Variants in CTDP1 observed in about 807,000 individuals in gnomAD.
The protein encoded by CTDP1 is CTD phosphatase 1.
CTDP1 carries 47 observed loss-of-function variants against 91.8 expected under a neutral mutation model. That is an observed-to-expected ratio of 0.51 (90% CI 0.41 to 0.65). The LOEUF (loss-of-function observed/expected upper bound fraction) is 0.65. Among genes scored for constraint, CTDP1 ranks in the 30% least tolerant of loss-of-function variants. The probability of loss-of-function intolerance (pLI) is 0.00; values close to 1 mark genes in which losing one functional copy is unlikely to be tolerated. For missense variants in CTDP1, 1,272 were observed against 1,373.7 expected, an observed-to-expected ratio of 0.93 and a Z score of 1.17; for synonymous variants, 656 against 598.5, an observed-to-expected ratio of 1.10 and a Z score of -1.40.
At chr18:79,704,525 C>T (rs541107214) in intron 4 of CTDP1, among the ~76,000 whole-genome samples, 5 of 151,842 alleles carry the variant, frequency 3.3e-5, no homozygotes, top group East Asian at 1.9e-4. Flanking sequence ...TGTGGAGGGG[C>T]GTGTACATGC....
intron 6 of CTDP1, among the ~76,000 whole-genome samples, chr18:79,712,083 T>C (rs1248510114): frequency 4.6e-5 from 6 of 129,090 alleles, no homozygotes; most frequent in Non-Finnish European, 8.5e-5. Flanking sequence ...TTTTGCTAGT[T>C]AGCGCCAGAG....
chr18:79,729,445 G>A lies in CTDP1; in HGVS notation c.2580+376G>A, dbSNP rs71367531. 1.9e-3 allele frequency among the ~76,000 whole-genome samples: 290 copies of A among 152,298 alleles called. 1 individual carries two copies. Among genetic ancestry groups the A allele is most frequent in the Admixed American group, 0.011 (175 of 15,298 alleles). ...CATGACAAGGGGTGACCCTGGGGCC[G>A]GTCAACACCCCCTGCCTGACGCCGA... On this transcript the variant is annotated intron_variant, in intron 11 of 12. Transcript: ENST00000613122.
chr18:79,691,505 T>TGGACTCGGGGTG (rs2085620962), intron 1 of CTDP1, among the ~76,000 whole-genome samples: 4 of 121,340 alleles, frequency 3.3e-5, no homozygotes, highest in Admixed American at 8.5e-5. Flanking sequence ...GGACTCGGGG[T>TGGACTCGGGGTG]GGGGAGGAGT....
intron 12 of CTDP1, 53 bp from the exon 13 acceptor site, chr18:79,753,599 C>A: frequency 6.2e-7 from 1 of 1,613,756 alleles, no homozygotes; most frequent in Admixed American, 1.7e-5. Context: ...AGGCGGTGAC[C>A]CGGCGTTGTG....
intron 11 of CTDP1, among the ~76,000 whole-genome samples, chr18:79,729,885 C>G (rs1296860691): frequency 6.6e-6 from 1 of 152,226 alleles, no homozygotes; most frequent in Non-Finnish European, 1.5e-5. Flanking sequence ...CGTCCCCTTC[C>G]CTCAGGTCTT....
intron 12 of CTDP1, among the ~76,000 whole-genome samples, chr18:79,747,977 A>G (rs773655039): frequency 1.3e-5 from 2 of 152,224 alleles, no homozygotes; most frequent in African/African-American, 4.8e-5. Flanking sequence ...GGTGGGGTAT[A>G]CATATATATT....
At chr18:79,683,318 A>G (rs1380791641) in intron 1 of CTDP1, among the ~76,000 whole-genome samples, 2 of 152,260 alleles carry the variant, frequency 1.3e-5, no homozygotes. Context: ...TAGACTGATT[A>G]TCGTGTATTG....
intron 6 of CTDP1, among the ~76,000 whole-genome samples, chr18:79,712,571 A>G (rs1367221130): frequency 1.3e-5 from 2 of 152,236 alleles, no homozygotes; most frequent in Non-Finnish European, 2.9e-5. Flanking sequence ...CATTAGCCAC[A>G]CAGCGCCTAG....
In CTDP1 at chr18:79,717,915, G is replaced by A; in HGVS notation, c.2316G>A (p.Arg772=). The change falls in exon 10 of 13, where the codon CGG becomes CGA. Residue 772 remains arginine (R), a synonymous_variant. Coordinates refer to ENST00000613122, the MANE Select transcript of CTDP1 (RefSeq NM_004715.5). The stretch of plus-strand genomic sequence containing the variant: ...AGGCCCAGCCTGGCCCCGAGGTTCG[G>A]ATCTACGACTCCAACACGGGGAAGC... The part of the protein sequence containing the change: ...LPKAQPGPEV[R]IYDSNTGKLI... 6.2e-7 allele frequency: 1 copy of A among 1,613,512 alleles called. No homozygotes were observed. Among genetic ancestry groups the A allele is most frequent in the Non-Finnish European group, 8.5e-7 (1 of 1,180,000 alleles).
Position 79,737,057 on chromosome 18 carries a change from G to T in CTDP1, c.2747+536G>T, listed in dbSNP as rs371554661. 2.2e-4 allele frequency among the ~76,000 whole-genome samples: 34 copies of T among 152,362 alleles called. No individual in the cohort carries two copies. The South Asian group carries it at 2.7e-3, about 12-fold the overall frequency. ...TGTGGGTCCCCCGCCGGTGACAGTG[G>T]TCCCCGCCTCCAGCGTGCGGTCTGT... is the stretch of plus-strand genomic sequence containing the variant. On this transcript the variant is annotated intron_variant, in intron 12 of 12. Transcript: ENST00000613122.
At chr18:79,730,590 G>C (rs763455684) in intron 11 of CTDP1, among the ~76,000 whole-genome samples, 2 of 152,258 alleles carry the variant, frequency 1.3e-5, no homozygotes, top group Non-Finnish European at 2.9e-5. Flanking sequence ...AGCTCTTTGG[G>C]AACAAATGGT....
chr18:79,683,705 G>A (rs1273301526), intron 1 of CTDP1, among the ~76,000 whole-genome samples: 1 of 152,260 alleles, frequency 6.6e-6, no homozygotes, highest in Non-Finnish European at 1.5e-5. Flanking sequence ...GGTCCCTCAA[G>A]GGCTTACTGG....
At chr18:79,727,056 C>A (rs1413608534) in intron 10 of CTDP1, among the ~76,000 whole-genome samples, 17 of 149,594 alleles carry the variant, frequency 1.1e-4, no homozygotes. Flanking sequence ...GCTGTGGGGG[C>A]TGGTGAGAAT....
intron 2 of CTDP1, among the ~76,000 whole-genome samples, chr18:79,695,531 G>C (rs1008612367): frequency 2.0e-5 from 3 of 152,296 alleles, no homozygotes. Context: ...AGGTGTGGTG[G>C]GGGGGCATGC....
intron 5 of CTDP1, among the ~76,000 whole-genome samples, chr18:79,706,936 G>A (rs1599236407): frequency 6.6e-6 from 1 of 152,252 alleles, no homozygotes; most frequent in South Asian, 2.1e-4. Flanking sequence ...CTCCTGTCCC[G>A]TCTTCCATAC....
intron 12 of CTDP1, among the ~76,000 whole-genome samples, chr18:79,751,834 T>A (rs1296728952): frequency 6.6e-6 from 1 of 152,208 alleles, no homozygotes; most frequent in Non-Finnish European, 1.5e-5. Context: ...GTTAGCTACA[T>A]TGTATCTACG....
intron 11 of CTDP1, among the ~76,000 whole-genome samples, chr18:79,729,477 C>A (rs2086521356): frequency 6.6e-6 from 1 of 152,232 alleles, no homozygotes; most frequent in Non-Finnish European, 1.5e-5. Context: ...CCGACCGGCC[C>A]CCATTGAGAA....
At chr18:79,730,015 G>T (rs560295182) in intron 11 of CTDP1, among the ~76,000 whole-genome samples, 24 of 152,344 alleles carry the variant, frequency 1.6e-4, no homozygotes, top group African/African-American at 4.8e-4. Flanking sequence ...AACAGCTCCT[G>T]TGTATCTTCA....
chr18:79,701,313 A>G (rs972680993), intron 4 of CTDP1, among the ~76,000 whole-genome samples: 1 of 152,042 alleles, frequency 6.6e-6, no homozygotes, highest in Non-Finnish European at 1.5e-5. Context: ...GATCAAGACC[A>G]TCCTGGCTAA....
Sources: gnomAD v4.1 joint callset for allele counts (sites outside exome capture counted in the v4.1 genomes callset) on GRCh38, gnomAD v4.1.1 for gene constraint, MANE v1.5 for transcripts, NCBI Gene and HGNC (gene_info 2026-07-23, HGNC 2026-07-21) for gene names.